The following RORA variants were observed in gnomAD, a reference collection of about 807,000 sequenced individuals.
RORA encodes RAR related orphan receptor A.
A neutral mutation model predicts 69.5 loss-of-function variants in RORA; 7 were observed. The observed-to-expected ratio is 0.10, with a 90% CI of 0.06 to 0.19. The LOEUF is 0.19. Among genes scored for constraint, RORA ranks in the 10% least tolerant of loss-of-function variants. The pLI is 1.00. For synonymous variants in RORA, 261 were observed against 240.8 expected, an observed-to-expected ratio of 1.08 and a Z score of -0.78; for missense variants, 457 against 663.0, an observed-to-expected ratio of 0.69 and a Z score of 3.41.
At chr15:61,002,890 G>A (rs907677249) in intron 1 of RORA, among the ~76,000 whole-genome samples, 17 of 151,768 alleles carry the variant, frequency 1.1e-4, no homozygotes, top group African/African-American at 3.9e-4. Flanking sequence ...CCAGCACTTT[G>A]GGAAGAAGAG....
At chr15:60,630,725 C>T (rs2069716926) in intron 2 of RORA, 1 of 152,224 alleles carries the variant, frequency 6.6e-6, no homozygotes, top group Admixed American at 6.5e-5. Context: ...AGCTCAGGAA[C>T]TCCTTTCTCC....
At chr15:60,674,983 A>G (rs932238678) in intron 2 of RORA, among the ~76,000 whole-genome samples, 2 of 152,126 alleles carry the variant, frequency 1.3e-5, no homozygotes, top group African/African-American at 4.8e-5. Flanking sequence ...CCTACCAGAT[A>G]TCTTTTGGGT....
In RORA at chr15:60,497,415, T is replaced by C. The variant is rs971066600; in HGVS notation, c.*40A>G. 5.0e-6 allele frequency: 8 copies of C among 1,590,968 alleles called. No homozygotes were observed. Among genetic ancestry groups the C allele is most frequent in the Non-Finnish European group, 6.9e-6 (8 of 1,160,796 alleles). ...TAATTTTTTTGTTTGTTTTTCATGT[T>C]TGTACTTCAGACATTCTAGAAGTGC... On this transcript the variant is annotated 3_prime_UTR_variant, in exon 11 of 11. Transcript: ENST00000335670.
intron 2 of RORA, among the ~76,000 whole-genome samples, chr15:60,630,956 G>A (rs1320971358): frequency 1.5e-5 from 2 of 136,742 alleles, no homozygotes; most frequent in East Asian, 4.7e-4. Context: ...GCACAATCTC[G>A]GCTCACTGCA....
chr15:60,621,429 C>A (rs767387603), intron 2 of RORA, among the ~76,000 whole-genome samples: 1 of 152,084 alleles, frequency 6.6e-6, no homozygotes, highest in East Asian at 1.9e-4. Context: ...GGGGCACACA[C>A]AGAGAGCTAC....
At chr15:60,757,829 T>C (rs1391763266) in intron 1 of RORA, among the ~76,000 whole-genome samples, 2 of 152,126 alleles carry the variant, frequency 1.3e-5, no homozygotes, top group African/African-American at 4.8e-5. Flanking sequence ...AGTCTGCCTT[T>C]TAACCTCTTC....
At chr15:60,962,646 T>A (rs1308998628) in intron 1 of RORA, among the ~76,000 whole-genome samples, 1 of 152,166 alleles carries the variant, frequency 6.6e-6, no homozygotes, top group Non-Finnish European at 1.5e-5. Context: ...TTAGAGACCA[T>A]AAAATGAACA....
At chr15:61,178,987 C>T (rs1009059668) in intron 1 of RORA, among the ~76,000 whole-genome samples, 1 of 152,208 alleles carries the variant, frequency 6.6e-6, no homozygotes, top group East Asian at 1.9e-4. Flanking sequence ...AATCTAAACA[C>T]ATGCATTCTT....
chr15:61,039,063 G>C (rs921897954), intron 1 of RORA: 3 of 152,210 alleles, frequency 2.0e-5, no homozygotes, highest in Admixed American at 1.3e-4. Context: ...TTGTGCTTTG[G>C]AGCCAACTCA....
chr15:61,225,847 T>C (rs899237269), intron 1 of RORA, among the ~76,000 whole-genome samples: 6 of 152,216 alleles, frequency 3.9e-5, no homozygotes, highest in Non-Finnish European at 8.8e-5. Flanking sequence ...TTTTTTCCGC[T>C]TCATTCCTAC....
At chr15:60,785,933 G>C (rs1389721351) in intron 1 of RORA, among the ~76,000 whole-genome samples, 3 of 150,954 alleles carry the variant, frequency 2.0e-5, no homozygotes, top group African/African-American at 4.9e-5. Flanking sequence ...CTGTGTCTCT[G>C]TTCTCCATCT....
At chr15:60,688,198 G>T (rs1320047660) in intron 1 of RORA, among the ~76,000 whole-genome samples, 1 of 151,686 alleles carries the variant, frequency 6.6e-6, no homozygotes, top group Non-Finnish European at 1.5e-5. Context: ...TGTTCCAGCT[G>T]CATTATGAGA....
chr15:61,017,938 GT>G (rs549262532), intron 1 of RORA, among the ~76,000 whole-genome samples: 63 of 152,336 alleles, frequency 4.1e-4, no homozygotes, highest in Non-Finnish European at 8.4e-4. Context: ...TATTTAAGGA[GT>G]GAAAGGGTTG....
chr15:60,829,285 G>C (rs2073007578), intron 1 of RORA, among the ~76,000 whole-genome samples: 1 of 152,158 alleles, frequency 6.6e-6, no homozygotes, highest in Non-Finnish European at 1.5e-5. Context: ...CTGCTGCCCG[G>C]AGCACCGGCC....
chr15:61,098,468 G>A (rs557826776), intron 1 of RORA, among the ~76,000 whole-genome samples: 2 of 151,980 alleles, frequency 1.3e-5, no homozygotes, highest in African/African-American at 2.4e-5. Context: ...TGCCTCCTGA[G>A]TAACTAAGCC....
intron 1 of RORA, among the ~76,000 whole-genome samples, chr15:61,206,301 A>G (rs1216718110): frequency 6.6e-6 from 1 of 152,222 alleles, no homozygotes; most frequent in Non-Finnish European, 1.5e-5. Flanking sequence ...ATGGCCACCC[A>G]GCAAGCGTCA....
chr15:60,829,816 A>C (rs2073017403), intron 1 of RORA, among the ~76,000 whole-genome samples: 1 of 152,232 alleles, frequency 6.6e-6, no homozygotes, highest in Non-Finnish European at 1.5e-5. Flanking sequence ...TAATGTCTTC[A>C]GTGAACACAT....
intron 1 of RORA, among the ~76,000 whole-genome samples, chr15:60,877,026 T>C (rs2073625226): frequency 6.6e-6 from 1 of 152,152 alleles, no homozygotes; most frequent in South Asian, 2.1e-4. Flanking sequence ...ACTTGGGTGA[T>C]GAAATAATCT....
chr15:60,988,614 G>A lies in RORA; in HGVS notation c.166+240439C>T, dbSNP rs1165375353. 3.3e-5 allele frequency among the ~76,000 whole-genome samples: 5 copies of A among 152,150 alleles called. No homozygotes were observed. In the South Asian group the frequency reaches 6.2e-4, roughly 19 times the overall value. ...TGCTAAACTATTAGAATTACGACTC[G>A]CTGCTTCCTTGGCAAATACCTGCCC... On this transcript the variant is annotated intron_variant, in intron 1 of 10. Coordinates refer to ENST00000335670, the MANE Select transcript of RORA (RefSeq NM_134261.3).
Sources: gnomAD v4.1 joint callset for allele counts (sites outside exome capture counted in the v4.1 genomes callset) on GRCh38, gnomAD v4.1.1 for gene constraint, MANE v1.5 for transcripts, NCBI Gene and HGNC (gene_info 2026-07-23, HGNC 2026-07-21) for gene names.